ETV1: variants seen among roughly 807,000 people sequenced by gnomAD.
The protein encoded by ETV1 is ETS translocation variant 1.
ETV1 carries 27 observed loss-of-function variants against 62.3 expected under a neutral mutation model. The observed-to-expected ratio is 0.43, with a 90% confidence interval of 0.32 to 0.60. The LOEUF (loss-of-function observed/expected upper bound fraction) is 0.60. ETV1 is among the 20% of genes least tolerant of loss of function. The probability of loss-of-function intolerance (pLI) is 0.06; values close to 1 mark genes in which losing one functional copy is unlikely to be tolerated. For synonymous variants in ETV1, 222 were observed against 199.6 expected (o/e 1.11, Z -0.94); for missense variants, 605 against 605.8 (o/e 1.00, Z 0.01).
intron 5 of ETV1, among the ~76,000 whole-genome samples, chr7:13,983,044 C>T (rs1782157577): frequency 6.6e-6 from 1 of 151,890 alleles, no homozygotes; most frequent in Admixed American, 6.6e-5. Context: ...AGGAAAAAAC[C>T]CTTATTCGTA....
rs1325413089 is a variant in ETV1 at position 13,970,560 on chromosome 7, C to T, written c.235+6867G>A. On this transcript the variant is annotated intron_variant, in intron 6 of 13. Transcript: ENST00000430479. ...TCATGTTCTTAAATCCAAAAAAATG[C>T]CATTTCTCTTTCAGTGTGTGCTCTC... Among the ~76,000 whole-genome samples, 4 of 151,982 alleles carry T rather than the reference C, an allele frequency of 2.6e-5. No individual in the cohort carries two copies. The East Asian group carries it at 7.7e-4, about 29-fold the overall frequency.
At chr7:13,924,730 G>C (rs746392753) in intron 9 of ETV1, among the ~76,000 whole-genome samples, 2 of 152,096 alleles carry the variant, frequency 1.3e-5, no homozygotes, top group Non-Finnish European at 2.9e-5. Context: ...TTTAGTTTTG[G>C]CTGCTTCACA....
rs796670451 is a variant in ETV1, at chr7:13,950,941, C to CACACACACACAA, written c.236-11696_236-11695insTTGTGTGTGTGT. 2.3e-4 allele frequency among the ~76,000 whole-genome samples: 34 copies of CACACACACACAA among 147,224 alleles called. 1 individual carries two copies. Among genetic ancestry groups the CACACACACACAA allele is most frequent in the African/African-American group, 5.3e-4 (21 of 39,558 alleles). On this transcript the variant is annotated intron_variant, in intron 6 of 13. Transcript: ENST00000430479. ...ACACACACACACACACACACACACA[C>CACACACACACAA]AATATCGAGCAATACTGGGTCCAAT...
upstream of ETV1, chr7:13,989,895 G>A: frequency 3.2e-6 from 1 of 316,172 alleles, no homozygotes. Flanking sequence ...GCCACGGAGA[G>A]ACTCGATTTC....
chr7:13,949,750 C>G (rs753299750), intron 6 of ETV1, among the ~76,000 whole-genome samples: 1 of 152,138 alleles, frequency 6.6e-6, no homozygotes, highest in Non-Finnish European at 1.5e-5. Flanking sequence ...TATCAAAATG[C>G]AAACTGAAAC....
chr7:13,946,692 G>T (rs1788204690), intron 6 of ETV1, among the ~76,000 whole-genome samples: 1 of 152,158 alleles, frequency 6.6e-6, no homozygotes, highest in Non-Finnish European at 1.5e-5. Context: ...CTACAGCTTT[G>T]GTTGAGGGTA....
intron 11 of ETV1, among the ~76,000 whole-genome samples, chr7:13,907,166 A>G (rs975614556): frequency 2.6e-5 from 4 of 152,190 alleles, no homozygotes; most frequent in African/African-American, 7.2e-5. Flanking sequence ...TTCACTTTAT[A>G]TAAATAAGGA....
rs1210745117 is a variant in ETV1, at chr7:13,891,247, T to C, written c.*4619A>G. ...TCCAATATTTTCAGTTTCTGGGCTT[T>C]TATTTTAGATTTAAATTTTGAGCAT... On this transcript the variant is annotated 3_prime_UTR_variant, in exon 14 of 14. Coordinates refer to ENST00000430479, the MANE Select transcript of ETV1 (RefSeq NM_004956.5). The C allele has an allele frequency of 4.5e-6, 1 of 223,836 alleles. No homozygotes were observed. The highest frequency in any genetic ancestry group is 6.6e-5 in the East Asian group (1 of 15,182). The allele number at this position is 223,836 out of a possible 1,614,324, so 13.9% of individuals were successfully genotyped here. A position where few individuals can be genotyped will look rare whatever the true frequency, so the allele number is the denominator to read the frequency against.
chr7:13,937,557 A>G (rs889002184), intron 7 of ETV1, among the ~76,000 whole-genome samples: 32 of 152,238 alleles, frequency 2.1e-4, no homozygotes, highest in African/African-American at 7.0e-4. Context: ...CATATAAAAC[A>G]GTGATGATTT....
chr7:13,952,892 C>A (rs1038802183), intron 6 of ETV1, among the ~76,000 whole-genome samples: 12 of 152,190 alleles, frequency 7.9e-5, no homozygotes, highest in Non-Finnish European at 1.3e-4. Context: ...TATAATGGTA[C>A]TTCAGCAGTA....
At chr7:13,965,662 A>G (rs10225603) in intron 6 of ETV1, among the ~76,000 whole-genome samples, 5,386 of 152,212 alleles carry the variant, frequency 0.035, 309 homozygotes, top group African/African-American at 0.12. Flanking sequence ...AAGTTATTTC[A>G]GAGTATTTGT....
intron 6 of ETV1, among the ~76,000 whole-genome samples, chr7:13,970,705 A>G (rs1418883018): frequency 6.6e-6 from 1 of 152,124 alleles, no homozygotes. Context: ...CAACTTTATA[A>G]AGTACTCACT....
At chr7:13,984,929 T>TAAAA (rs67286902) in intron 5 of ETV1, among the ~76,000 whole-genome samples, 2,066 of 148,786 alleles carry the variant, frequency 0.014, 36 homozygotes, top group African/African-American at 0.042. Context: ...AGTCAAAAGT[T>TAAAA]AAAAAAAAAG....
chr7:13,920,888 G>A (rs1002440325), intron 9 of ETV1, among the ~76,000 whole-genome samples: 6 of 152,192 alleles, frequency 3.9e-5, no homozygotes, highest in African/African-American at 1.4e-4. Context: ...GTCAAATTGT[G>A]AGGCCAATCT....
chr7:13,906,697 T>C (rs189145444), intron 11 of ETV1, 98 bp from the exon 12 acceptor site: 2 of 815,998 alleles, frequency 2.5e-6, no homozygotes, highest in East Asian at 2.9e-5. Flanking sequence ...TAAACCACAA[T>C]CAACCACTTT....
At chr7:13,936,830 C>A (rs1249383814) in intron 7 of ETV1, among the ~76,000 whole-genome samples, 1 of 152,012 alleles carries the variant, frequency 6.6e-6, no homozygotes, top group Non-Finnish European at 1.5e-5. Flanking sequence ...CGCTTAAGCA[C>A]GGGAGTTTAA....
At chr7:13,910,489 A>G in intron 10 of ETV1, 1 of 531,462 alleles carries the variant, frequency 1.9e-6, no homozygotes, top group Non-Finnish European at 2.4e-6. Context: ...AATTTCAAAT[A>G]TTTTACATTT....
chr7:13,918,559 G>T (rs1448048407), intron 9 of ETV1, among the ~76,000 whole-genome samples: 1 of 151,952 alleles, frequency 6.6e-6, no homozygotes, highest in African/African-American at 2.4e-5. Flanking sequence ...CATAAAAAAT[G>T]ATGAGTTCAT....
At chr7:13,900,417 A>T in intron 13 of ETV1, 1 of 233,924 alleles carries the variant, frequency 4.3e-6, no homozygotes, top group Non-Finnish European at 8.2e-6. Context: ...CCAAAATTAT[A>T]TAATTGTAGA....
Sources: gnomAD v4.1 joint callset for allele counts (sites outside exome capture counted in the v4.1 genomes callset) on GRCh38, gnomAD v4.1.1 for gene constraint, MANE v1.5 for transcripts, NCBI Gene and HGNC (gene_info 2026-07-23, HGNC 2026-07-21) for gene names.